HEXB: variants seen among roughly 807,000 people sequenced by gnomAD.
The protein encoded by HEXB is beta-hexosaminidase subunit beta.
Under a neutral mutation model 71.2 loss-of-function variants are expected in HEXB, and 51 were observed. The ratio of observed to expected loss-of-function variants is 0.72; its 90% confidence interval spans 0.57 to 0.90. The LOEUF (loss-of-function observed/expected upper bound fraction) is 0.90. Ranked by LOEUF, HEXB falls within the 40% of genes least tolerant of loss-of-function variation. HEXB has a pLI of 0.00. For synonymous variants in HEXB, 266 were observed against 249.3 expected, an observed-to-expected ratio of 1.07 and a Z score of -0.63; for missense variants, 617 against 677.0, an observed-to-expected ratio of 0.91 and a Z score of 0.98.
At chr5:74,670,806 C>A (rs1340897366) in intron 1 of HEXB, among the ~76,000 whole-genome samples, 2 of 152,156 alleles carry the variant, frequency 1.3e-5, no homozygotes, top group Admixed American at 1.3e-4. Context: ...CCTGGTCCAG[C>A]CACAAGACCC....
chr5:74,666,540 A>G (rs1748434340), intron 1 of HEXB, among the ~76,000 whole-genome samples: 1 of 152,196 alleles, frequency 6.6e-6, no homozygotes, highest in African/African-American at 2.4e-5. Context: ...CAGCAGGGGC[A>G]GGTGCCGCTT....
chr5:74,720,882 T>C, intron 13 of HEXB, 135 bp downstream of exon 13: 1 of 824,100 alleles, frequency 1.2e-6, no homozygotes, highest in Non-Finnish European at 2.0e-6. Context: ...TTGTAAGTAA[T>C]AATACCTGTA....
intron 1 of HEXB, among the ~76,000 whole-genome samples, chr5:74,668,976 T>G (rs773514416): frequency 6.6e-6 from 1 of 152,252 alleles, no homozygotes; most frequent in Non-Finnish European, 1.5e-5. Flanking sequence ...TTTTCCTTTT[T>G]CTGAGACAGA....
At chr5:74,669,420 AC>A (rs1748492780) in intron 1 of HEXB, among the ~76,000 whole-genome samples, 1 of 152,184 alleles carries the variant, frequency 6.6e-6, no homozygotes, top group South Asian at 2.1e-4. Context: ...TAAGTAACTT[AC>A]CTTATCAATA....
chr5:74,682,415 G>T (rs990618518), upstream of HEXB, among the ~76,000 whole-genome samples: 1 of 152,094 alleles, frequency 6.6e-6, no homozygotes. Flanking sequence ...CAAGCCTAAA[G>T]AAAAAAACCT....
intron 7 of HEXB, 143 bp downstream of exon 7, chr5:74,713,778 C>T (rs1013673849): frequency 1.4e-6 from 1 of 712,204 alleles, no homozygotes; most frequent in Non-Finnish European, 2.5e-6. Flanking sequence ...ATTCTCCTGC[C>T]TCAGCTTCCT....
chr5:74,640,512 C>G (rs1747821069), exon 1 of HEXB: 2 of 152,416 alleles, frequency 1.3e-5, no homozygotes, highest in South Asian at 4.1e-4. Flanking sequence ...CCCCACGCCG[C>G]GGACCCGGTG....
intron 1 of HEXB, among the ~76,000 whole-genome samples, chr5:74,664,430 T>TTAAAAAAAAAAAAAAAA (rs768901546): frequency 6.3e-5 from 5 of 79,630 alleles, no homozygotes; most frequent in East Asian, 8.4e-4. Context: ...ATTCTATCTC[T>TTAAAAAAAAAAAAAAAA]AAAAAAAAAA....
rs755816625 is a variant in HEXB at position 74,685,238 on chromosome 5, G to T, written c.-23G>T. On this transcript the variant is annotated 5_prime_UTR_variant, in exon 1 of 14. Coordinates refer to ENST00000261416, the MANE Select transcript of HEXB (RefSeq NM_000521.4). ...TCCCGAGGCTCCGGCTCGGCAGACC[G>T]GGCGGAAAGCAGCCGAGCGGCCATG... is the stretch of plus-strand genomic sequence containing the variant. 4.0e-6 allele frequency: 6 copies of T among 1,489,446 alleles called. No individual in the cohort carries two copies. Among genetic ancestry groups the T allele is most frequent in the Admixed American group, 2.2e-5 (1 of 44,856 alleles). 92.3% of individuals were successfully genotyped at this position (1,489,446 alleles called of 1,614,324 possible).
chr5:74,694,102 C>T (rs905133692), intron 3 of HEXB, among the ~76,000 whole-genome samples: 10 of 152,046 alleles, frequency 6.6e-5, no homozygotes, highest in African/African-American at 2.2e-4. Flanking sequence ...GAGGCTGCAG[C>T]GAGCCTAGAT....
chr5:74,695,811 G>T (rs1029320682), intron 3 of HEXB, among the ~76,000 whole-genome samples: 1 of 145,454 alleles, frequency 6.9e-6, no homozygotes, highest in Non-Finnish European at 1.5e-5. Flanking sequence ...ACTGCACTCC[G>T]TCCTGGGTGA....
intron 7 of HEXB, 144 bp from the exon 8 acceptor site, chr5:74,715,366 A>G (rs1749644363): frequency 3.1e-6 from 2 of 638,598 alleles, no homozygotes. Context: ...TCTGGAAGAA[A>G]TTACTAGCTC....
chr5:74,673,185 G>A (rs1264539786), intron 1 of HEXB, among the ~76,000 whole-genome samples: 1 of 152,194 alleles, frequency 6.6e-6, no homozygotes, highest in Non-Finnish European at 1.5e-5. Flanking sequence ...GCTAATTTTA[G>A]CAAAGCAGGG....
At position 74,689,474 on chromosome 5, in the gene HEXB, G is replaced by C. The variant is rs761197472; in HGVS notation, c.445+1G>C. The C allele has an allele frequency of 1.2e-6, 2 of 1,612,774 alleles. No individual in the cohort carries two copies. Among genetic ancestry groups the C allele is most frequent in the Non-Finnish European group, 1.7e-6 (2 of 1,178,804 alleles). ...CCCAACATATCTTCAGATGAGTCTT[G>C]TAAGTACCTATGCAATGTGAGTGTA... On this transcript the variant is annotated splice_donor_variant, in intron 2 of 13. Transcript: ENST00000261416. LOFTEE classifies it high-confidence loss of function.
Position 74,641,946 on chromosome 5 carries a change from G to A in HEXB, c.-377+1388G>A, listed in dbSNP as rs1410033396. Among the ~76,000 whole-genome samples the A allele has an allele frequency of 1.3e-5, 2 of 152,106 alleles. No homozygotes were observed. The highest frequency in any genetic ancestry group is 4.8e-5 in the African/African-American group (2 of 41,418). On this transcript the variant is annotated intron_variant, in intron 1 of 13. Coordinates refer to the HEXB transcript ENST00000511181. This position sits in a 1 kb window ranked among gnomAD's most constrained non-coding sequence, Gnocchi z 4.1. The stretch of plus-strand genomic sequence containing the variant: ...TCCCAGCTCTGCAGCTCGAGAGTGA[G>A]GGCCCCACGACAGAGTTTATTCCGT...
In HEXB at chr5:74,651,321, C is replaced by T. The variant is rs371587695; in HGVS notation, c.-377+10763C>T. ...TCACCACTGTGTGTCTAACCCTTAGCGCAGCACACAGTAGTAATGTAACTA... is the reference window on the plus strand; with the variant it reads ...TCACCACTGTGTGTCTAACCCTTAGTGCAGCACACAGTAGTAATGTAACTA... On this transcript the variant is annotated intron_variant, in intron 1 of 13. Coordinates refer to the HEXB transcript ENST00000511181. Among the ~76,000 whole-genome samples the T allele has an allele frequency of 1.5e-3, 225 of 152,290 alleles. 3 individuals carry two copies. The highest frequency in any genetic ancestry group is 4.6e-3 in the African/African-American group (189 of 41,536).
upstream of HEXB, among the ~76,000 whole-genome samples, chr5:74,681,663 T>A (rs1225089937): frequency 2.0e-5 from 3 of 152,190 alleles, no homozygotes; most frequent in Admixed American, 1.3e-4. Flanking sequence ...AAAAAAGAGA[T>A]CTGATAGTTT....
At position 74,689,488 on chromosome 5, in the gene HEXB, A is replaced by G; in HGVS notation, c.445+15A>G. The G allele has an allele frequency of 6.2e-7, 1 of 1,609,964 alleles. No individual in the cohort carries two copies. The highest frequency in any genetic ancestry group is 1.1e-5 in the South Asian group (1 of 91,008). ...AGATGAGTCTTGTAAGTACCTATGC[A>G]ATGTGAGTGTATTATATCCCAGGTG... On this transcript the variant is annotated intron_variant, in intron 2 of 13. Coordinates refer to ENST00000261416, the MANE Select transcript of HEXB (RefSeq NM_000521.4).
chr5:74,656,602 G>A (rs1441801431), intron 1 of HEXB, among the ~76,000 whole-genome samples: 3 of 152,048 alleles, frequency 2.0e-5, no homozygotes, highest in African/African-American at 7.2e-5. Context: ...AGAGTGGAAC[G>A]TTCTAAAATC....
Sources: allele counts gnomAD v4.1 joint callset (sites outside exome capture counted in the v4.1 genomes callset), GRCh38; gene constraint gnomAD v4.1.1; non-coding constraint Gnocchi (gnomAD v3.1); transcripts MANE v1.5; gene names NCBI Gene and HGNC (gene_info 2026-07-23, HGNC 2026-07-21).